LINGO2: variants seen among roughly 807,000 people sequenced by gnomAD.
LINGO2 encodes leucine-rich repeat and immunoglobulin-like domain-containing nogo receptor-interacting protein 2.
In LINGO2, 14 loss-of-function variants were observed where a neutral mutation model predicts 30.6. That is an observed-to-expected ratio of 0.46 (90% CI 0.30 to 0.72). The LOEUF (loss-of-function observed/expected upper bound fraction) is 0.72, where lower values mean the gene tolerates loss of function less well. Among genes scored for constraint, LINGO2 ranks in the 30% least tolerant of loss-of-function variants. The probability of loss-of-function intolerance (pLI) is 0.07; values close to 1 mark genes in which losing one functional copy is unlikely to be tolerated. For missense variants in LINGO2, 729 were observed against 751.7 expected (o/e 0.97, Z 0.35); for synonymous variants, 317 against 288.5 (o/e 1.10, Z -1.00).
chr9:28,467,138 G>C (rs1825345945), intron 2 of LINGO2, among the ~76,000 whole-genome samples: 1 of 151,764 alleles, frequency 6.6e-6, no homozygotes, highest in Non-Finnish European at 1.5e-5. Context: ...CCATTCTCCT[G>C]CCTCAGCCTC....
chr9:28,907,862 C>T, the LINGO2 span, among the ~76,000 whole-genome samples: 811 of 151,492 alleles, frequency 5.4e-3, 3 homozygotes, highest in Non-Finnish European at 9.9e-3. Context: ...GACTGTAGAA[C>T]TTCTAAATTA....
chr9:28,703,547 C>T, the LINGO2 span, among the ~76,000 whole-genome samples: 25 of 151,722 alleles, frequency 1.6e-4, no homozygotes, highest in Middle Eastern at 3.4e-3. Context: ...TCCATATGAG[C>T]TTGAAAAAAA....
intron 4 of LINGO2, among the ~76,000 whole-genome samples, chr9:28,142,440 T>C (rs1827699944): frequency 6.6e-6 from 1 of 152,208 alleles, no homozygotes; most frequent in South Asian, 2.1e-4. Context: ...CACTTTTCTA[T>C]AAAAACTTCA....
intron 4 of LINGO2, among the ~76,000 whole-genome samples, chr9:28,267,478 A>G: frequency 6.6e-6 from 1 of 151,964 alleles, no homozygotes; most frequent in Non-Finnish European, 1.5e-5. Context: ...TGCTACAGCT[A>G]CCCGTCTAGT....
the LINGO2 span, among the ~76,000 whole-genome samples, chr9:28,852,357 T>G: frequency 6.4e-3 from 979 of 152,116 alleles, 12 homozygotes; most frequent in African/African-American, 0.022. Context: ...GAGTGTGCAT[T>G]TTCACCTCAA....
At chr9:28,428,872 G>A (rs1317693794) in intron 2 of LINGO2, among the ~76,000 whole-genome samples, 1 of 152,120 alleles carries the variant, frequency 6.6e-6, no homozygotes, top group African/African-American at 2.4e-5. Context: ...AGAATGTAAA[G>A]TAGTATTAAG....
chr9:28,741,475 C>G, the LINGO2 span, among the ~76,000 whole-genome samples: 2 of 151,856 alleles, frequency 1.3e-5, no homozygotes, highest in Non-Finnish European at 1.5e-5. Flanking sequence ...TGGCATGGTA[C>G]TGAGTGGGCC....
chr9:28,494,045 C>A (rs376022639), intron 1 of LINGO2, among the ~76,000 whole-genome samples: 1 of 152,036 alleles, frequency 6.6e-6, no homozygotes, highest in Non-Finnish European at 1.5e-5. Context: ...GCTATTAGTT[C>A]TGTCCCTCTA....
chr9:28,293,292 C>T (rs1040250838), intron 4 of LINGO2, among the ~76,000 whole-genome samples: 1 of 151,924 alleles, frequency 6.6e-6, no homozygotes, highest in Non-Finnish European at 1.5e-5. Flanking sequence ...GAGATGAGGT[C>T]TCACTTTGTT....
chr9:28,617,573 G>A (rs1169135250), intron 1 of LINGO2, among the ~76,000 whole-genome samples: 1 of 152,074 alleles, frequency 6.6e-6, no homozygotes, highest in Non-Finnish European at 1.5e-5. Context: ...GGGATTACAG[G>A]CGTGAGCCAC....
chr9:29,174,213 A>G, the LINGO2 span, among the ~76,000 whole-genome samples: 1 of 152,228 alleles, frequency 6.6e-6, no homozygotes, highest in East Asian at 1.9e-4. Flanking sequence ...TATATTTTTG[A>G]AGTTTCACAT....
chr9:27,942,035 A>T, the LINGO2 span: 1 of 152,188 alleles, frequency 6.6e-6, no homozygotes, highest in Non-Finnish European at 1.5e-5. Context: ...ATTAAGTCAC[A>T]TGAATTTGGG....
chr9:28,761,123 C>A, the LINGO2 span, among the ~76,000 whole-genome samples: 1 of 151,366 alleles, frequency 6.6e-6, no homozygotes, highest in East Asian at 1.9e-4. Flanking sequence ...GGGTAGATAC[C>A]CAGTAGTGGG....
At chr9:28,621,400 CT>C (rs1826385703) in intron 1 of LINGO2, among the ~76,000 whole-genome samples, 2 of 151,744 alleles carry the variant, frequency 1.3e-5, no homozygotes, top group Admixed American at 1.3e-4. Context: ...TCTCCTACCC[CT>C]TTGCAACAGC....
the LINGO2 span, among the ~76,000 whole-genome samples, chr9:28,736,853 A>C: frequency 2.0e-4 from 31 of 152,294 alleles, no homozygotes; most frequent in South Asian, 5.6e-3. Flanking sequence ...TAATTTTCCT[A>C]GTAGATGTTC....
At chr9:28,526,308 T>C (rs553593499) in intron 1 of LINGO2, among the ~76,000 whole-genome samples, 1 of 152,276 alleles carries the variant, frequency 6.6e-6, no homozygotes. Context: ...TAAACTGCTT[T>C]ACAACAGATA....
rs10812707 is a variant in LINGO2, at chr9:27,956,292, C to T, written c.-35-5586G>A. 1.0e-2 allele frequency among the ~76,000 whole-genome samples: 1,518 copies of T among 152,166 alleles called. 131 individuals are homozygous for T. The East Asian group carries it at 0.21, about 21-fold the overall frequency. ...CTTGTGGGACTATATTATCTCTTTG[C>T]ATTTTCCTCATAACTAGTGATGCTG... On this transcript the variant is annotated intron_variant, in intron 5 of 5. Transcript: ENST00000379992.
At chr9:28,687,807 T>C in the LINGO2 span, among the ~76,000 whole-genome samples, 1 of 152,172 alleles carries the variant, frequency 6.6e-6, no homozygotes, top group Non-Finnish European at 1.5e-5. Context: ...CAATTCAATA[T>C]TTTGATGCCA....
At chr9:28,561,422 A>G (rs977196039) in intron 1 of LINGO2, among the ~76,000 whole-genome samples, 2 of 151,862 alleles carry the variant, frequency 1.3e-5, no homozygotes, top group South Asian at 4.2e-4. Flanking sequence ...AATAAAGTGT[A>G]GGAGAACCTC....
Sources: gnomAD v4.1 joint callset for allele counts (sites outside exome capture counted in the v4.1 genomes callset) on GRCh38, gnomAD v4.1.1 for gene constraint, MANE v1.5 for transcripts, NCBI Gene and HGNC (gene_info 2026-07-23, HGNC 2026-07-21) for gene names.